ATRX: variants seen among roughly 807,000 people sequenced by gnomAD.
The protein encoded by ATRX is ATRX chromatin remodeler, also known as chromatin remodeler ATRX.
A neutral mutation model predicts 172.6 loss-of-function variants in ATRX; 12 were observed. The ratio of observed to expected loss-of-function variants is 0.07; its 90% CI spans 0.04 to 0.11. The LOEUF (loss-of-function observed/expected upper bound fraction) is 0.11. Ranked by LOEUF, ATRX falls within the 10% of genes least tolerant of loss-of-function variation. The pLI, the probability that ATRX is intolerant of heterozygous loss-of-function variation, is 1.00. For synonymous variants in ATRX, 674 were observed against 594.7 expected (o/e 1.13, Z -1.94); for missense variants, 1,368 against 1,767.4 (o/e 0.77, Z 4.05).
chrX:77,566,915 G>GA (rs2065218976), intron 28 of ATRX, among the ~76,000 whole-genome samples: 1 of 111,829 alleles, frequency 8.9e-6, no homozygotes, highest in African/African-American at 3.2e-5. Flanking sequence ...GTTGAAGAAA[G>GA]AATGATTACA....
At chrX:77,610,288 AC>A (rs2148211249) in intron 22 of ATRX, among the ~76,000 whole-genome samples, 1 of 112,476 alleles carries the variant, frequency 8.9e-6, no homozygotes, top group East Asian at 2.8e-4. Context: ...AGCAAAAGTG[AC>A]ATCCTTGTTT....
chrX:77,646,491 T>C (rs966992543), intron 15 of ATRX, among the ~76,000 whole-genome samples: 2 of 110,180 alleles, frequency 1.8e-5, no homozygotes, highest in Non-Finnish European at 3.8e-5. Context: ...AAAGGAGAAA[T>C]ATACATCAGT....
chrX:77,735,927 C>T (rs2074540394), intron 1 of ATRX, among the ~76,000 whole-genome samples: 1 of 109,563 alleles, frequency 9.1e-6, no homozygotes, highest in Admixed American at 9.8e-5. Context: ...TCGCTTGAAC[C>T]TGGGAGACGG....
chrX:77,696,185 CTG>C (rs1192359017), intron 5 of ATRX, among the ~76,000 whole-genome samples: 3 of 111,972 alleles, frequency 2.7e-5, no homozygotes, highest in African/African-American at 9.7e-5. Flanking sequence ...CTAAACTAGA[CTG>C]TACATGATTT....
chrX:77,758,657 C>G (rs1000481892), intron 1 of ATRX, among the ~76,000 whole-genome samples: 9 of 109,898 alleles, frequency 8.2e-5, no homozygotes, highest in Non-Finnish European at 1.3e-4. Context: ...ACTAGGGAGG[C>G]TGAGGCAGGA....
chrX:77,615,327 C>A (rs1454241201), intron 22 of ATRX, among the ~76,000 whole-genome samples: 1 of 111,015 alleles, frequency 9.0e-6, no homozygotes, highest in African/African-American at 3.3e-5. Flanking sequence ...ACAACTAATT[C>A]TATAAAACCT....
rs891068548 is a variant in ATRX, at chrX:77,682,834, G to T, written c.2422C>A (p.Arg808=). The change falls in exon 9 of 35, where the codon CGA becomes AGA. Residue 808 remains arginine (R), a synonymous_variant. Coordinates refer to ENST00000373344, the MANE Select transcript of ATRX (RefSeq NM_000489.6). ...AKSSIISKKK[R]QTQSESSNYD... ...TTAGAAGACTCAGACTGGGTTTGTC[G>T]TTTCTTTTTAGAAATTATAGAGCTC... is the stretch of plus-strand genomic sequence containing the variant. 4.1e-6 allele frequency: 5 copies of T among 1,205,268 alleles called. No homozygotes were observed. The highest frequency in any genetic ancestry group is 3.4e-6 in the Non-Finnish European group (3 of 893,947).
At position 77,601,502 on chromosome X, in the gene ATRX, C is replaced by T. The variant is rs782076988; in HGVS notation, c.5567-938G>A. Reference sequence around the variant, plus strand: ...CTTAAAAAAAAAAAAAAAAGACCTTCCAAAAATTATGTTTTTGATGTATAA... The same window carrying T: ...CTTAAAAAAAAAAAAAAAAGACCTTTCAAAAATTATGTTTTTGATGTATAA... On this transcript the variant is annotated intron_variant, in intron 22 of 34. Transcript: ENST00000373344. Among the ~76,000 whole-genome samples the T allele has an allele frequency of 8.3e-5, 9 of 108,594 alleles. No homozygotes were observed. In the South Asian group the frequency reaches 3.7e-3, roughly 44 times the overall value. 94.3% of individuals were successfully genotyped at this position (108,594 alleles called of 115,157 possible). A position where few individuals can be genotyped will look rare whatever the true frequency, so the allele number is the denominator to read the frequency against.
At chrX:77,569,450 T>C (rs781918064) in intron 28 of ATRX, among the ~76,000 whole-genome samples, 2 of 111,036 alleles carry the variant, frequency 1.8e-5, no homozygotes, top group East Asian at 5.6e-4. Flanking sequence ...ATACAGATCA[T>C]AAAAGAAGAA....
chrX:77,554,128 A>G (rs1022859864), intron 30 of ATRX, among the ~76,000 whole-genome samples: 1 of 110,841 alleles, frequency 9.0e-6, no homozygotes, highest in African/African-American at 3.3e-5. Context: ...AACATGGTGA[A>G]ACCCCATCTC....
intron 1 of ATRX, among the ~76,000 whole-genome samples, chrX:77,723,061 CCAT>C (rs1413471131): frequency 9.0e-6 from 1 of 111,467 alleles, no homozygotes; most frequent in Non-Finnish European, 1.9e-5. Context: ...GAGCTGGAAA[CCAT>C]CATTCTCAGC....
At chrX:77,574,180 T>G (rs1376389290) in intron 28 of ATRX, 70 bp downstream of exon 28, 1 of 759,474 alleles carries the variant, frequency 1.3e-6, no homozygotes, top group Non-Finnish European at 2.0e-6. Flanking sequence ...ACAATAAAAA[T>G]AGTGAACTTT....
intron 25 of ATRX, among the ~76,000 whole-genome samples, chrX:77,598,838 A>G (rs1158881201): frequency 8.9e-6 from 1 of 112,391 alleles, no homozygotes; most frequent in Non-Finnish European, 1.9e-5. Context: ...AAAAGAGGTG[A>G]TAGAAACTGT....
At chrX:77,760,054 G>A (rs897869678) in intron 1 of ATRX, among the ~76,000 whole-genome samples, 1 of 110,279 alleles carries the variant, frequency 9.1e-6, no homozygotes, top group African/African-American at 3.3e-5. Context: ...GATTCTTAGG[G>A]ATACTAAACT....
chrX:77,674,988 T>C (rs2070794866), intron 10 of ATRX: 1 of 111,753 alleles, frequency 8.9e-6, no homozygotes, highest in Non-Finnish European at 1.9e-5. Context: ...AACTGTAAAA[T>C]AAAACTGTTC....
At chrX:77,738,767 TG>T (rs1557180389) in intron 1 of ATRX, among the ~76,000 whole-genome samples, 1 of 109,293 alleles carries the variant, frequency 9.1e-6, no homozygotes, top group African/African-American at 3.3e-5. Flanking sequence ...TTCACCATGT[TG>T]GCCTGGCTGG....
intron 10 of ATRX, among the ~76,000 whole-genome samples, chrX:77,672,226 A>C (rs912954029): frequency 1.8e-5 from 2 of 109,298 alleles, no homozygotes; most frequent in South Asian, 3.7e-4. Flanking sequence ...AACTACCACA[A>C]AAAAAAAATC....
At chrX:77,720,461 C>T (rs1388615162) in intron 1 of ATRX, among the ~76,000 whole-genome samples, 5 of 110,815 alleles carry the variant, frequency 4.5e-5, no homozygotes, top group African/African-American at 1.6e-4. Context: ...AGAGAAGAAT[C>T]AAATAGATGC....
At position 77,682,111 on chromosome X, in the gene ATRX, T is replaced by C. The variant is rs782273411; in HGVS notation, c.3145A>G (p.Ile1049Val). ...TTDGEKKSKK[I>V]RDKTSKKKDE... ...TTCTTTTTAGAAGTTTTATCTCTTA[T>C]TTTTTTACTTTTCTTTTCTCCATCA... The change falls in exon 9 of 35, where the codon ATA becomes GTA. Residue 1049 changes from isoleucine to valine, a missense_variant. Ile to Val is a conservative substitution (Grantham distance 29, BLOSUM62 3). Coordinates refer to ENST00000373344, the MANE Select transcript of ATRX (RefSeq NM_000489.6). The C allele has an allele frequency of 5.0e-6, 6 of 1,209,497 alleles. No homozygotes were observed. The highest frequency in any genetic ancestry group is 3.0e-5 in the East Asian group (1 of 33,800).
Sources: gnomAD v4.1 joint callset for allele counts (sites outside exome capture counted in the v4.1 genomes callset) on GRCh38, gnomAD v4.1.1 for gene constraint, MANE v1.5 for transcripts, NCBI Gene and HGNC (gene_info 2026-07-23, HGNC 2026-07-21) for gene names.